Variants in SLC30A6 observed in about 807,000 individuals in gnomAD.
SLC30A6 encodes the protein solute carrier family 30 member 6, also known as zinc transporter 6.
A neutral mutation model predicts 63.0 loss-of-function variants in SLC30A6; 55 were observed. The observed-to-expected ratio is 0.87, with a 90% CI of 0.70 to 1.09. SLC30A6 has a LOEUF of 1.09. Ranked by LOEUF, SLC30A6 falls within the 50% of genes least tolerant of loss-of-function variation. SLC30A6 has a pLI of 0.00. For synonymous variants in SLC30A6, 224 were observed against 186.1 expected, an observed-to-expected ratio of 1.20 and a Z score of -1.66; for missense variants, 587 against 549.2, an observed-to-expected ratio of 1.07 and a Z score of -0.69.
chr2:32,207,636 A>G lies in SLC30A6; in HGVS notation c.816+703A>G, dbSNP rs536184345. On this transcript the variant is annotated intron_variant, in intron 12 of 13. Transcript: ENST00000282587. ...GTGATCCACCCGCCTCGGCCTCCCA[A>G]AGTGCTGGGATTACAGGCATGTCCA... 1.0e-3 allele frequency among the ~76,000 whole-genome samples: 151 copies of G among 150,380 alleles called. 1 individual carries two copies. Among genetic ancestry groups the G allele is most frequent in the Non-Finnish European group, 1.7e-3 (116 of 67,726 alleles).
At chr2:32,177,055 G>A (rs1681816012) in intron 4 of SLC30A6, among the ~76,000 whole-genome samples, 1 of 152,014 alleles carries the variant, frequency 6.6e-6, no homozygotes, top group South Asian at 2.1e-4. Flanking sequence ...TTACAGGTGT[G>A]AGCCACCACG....
Position 32,220,940 on chromosome 2 carries a change from G to A in SLC30A6, c.*227G>A. On this transcript the variant is annotated 3_prime_UTR_variant, in exon 14 of 14. Coordinates refer to ENST00000282587, the MANE Select transcript of SLC30A6 (RefSeq NM_017964.5). Reference sequence around the variant, plus strand: ...TAAATAGGCTTCCTTTAGAAAATGTGTTTCTTTAAATTTGGATTTTGGTAT... The same window carrying A: ...TAAATAGGCTTCCTTTAGAAAATGTATTTCTTTAAATTTGGATTTTGGTAT... The A allele has an allele frequency of 2.1e-6, 1 of 467,264 alleles. No individual in the cohort carries two copies. Among genetic ancestry groups the A allele is most frequent in the South Asian group, 2.9e-5 (1 of 34,144 alleles). 28.9% of individuals were successfully genotyped at this position (467,264 alleles called of 1,614,324 possible).
rs376168153 is a variant in SLC30A6 at position 32,173,025 on chromosome 2, G to A, written c.91-1038G>A. Among the ~76,000 whole-genome samples the A allele has an allele frequency of 1.5e-3, 222 of 152,308 alleles. 8 individuals carry two copies. The South Asian group carries it at 0.044, about 30-fold the overall frequency. On this transcript the variant is annotated intron_variant, in intron 2 of 13. Transcript: ENST00000282587. ...GCAATCCTTTCACTTGTTGCCTACT[G>A]AAAGATGATGTCCCTATAATTGTTC...
intron 1 of SLC30A6, among the ~76,000 whole-genome samples, chr2:32,169,207 G>A (rs1017360158): frequency 5.3e-5 from 8 of 151,844 alleles, no homozygotes; most frequent in South Asian, 2.1e-4. Context: ...ATGGGGTCTC[G>A]CTCTGTTGCC....
chr2:32,195,726 G>A lies in SLC30A6; in HGVS notation c.497-1618G>A, dbSNP rs533800117. 3.0e-3 allele frequency among the ~76,000 whole-genome samples: 452 copies of A among 151,044 alleles called. 3 individuals carry two copies. Among genetic ancestry groups the A allele is most frequent in the Non-Finnish European group, 4.4e-3 (299 of 67,778 alleles). On this transcript the variant is annotated intron_variant, in intron 8 of 13. Coordinates refer to ENST00000282587, the MANE Select transcript of SLC30A6 (RefSeq NM_017964.5). ...TTATTTATTTATTTATTTTTTAATA[G>A]AGACAAAGTCTACCTGTGTTACCCA...
intron 10 of SLC30A6, 77 bp from the exon 11 acceptor site, chr2:32,204,513 T>A: frequency 1.1e-6 from 1 of 903,556 alleles, no homozygotes; most frequent in Non-Finnish European, 1.7e-6. Context: ...CTTTAGATAA[T>A]TAATGTTCAG....
intron 10 of SLC30A6, chr2:32,203,735 C>G (rs1684496291): frequency 6.6e-7 from 1 of 1,523,724 alleles, no homozygotes; most frequent in Non-Finnish European, 9.1e-7. Context: ...AGGTTACAGG[C>G]AGAGTGGCAT....
chr2:32,196,272 G>A (rs933654276), intron 8 of SLC30A6, among the ~76,000 whole-genome samples: 13 of 151,956 alleles, frequency 8.6e-5, no homozygotes, highest in Admixed American at 8.5e-4. Context: ...CCGAGATCAC[G>A]TCATTGCACT....
intron 5 of SLC30A6, among the ~76,000 whole-genome samples, 160 bp downstream of exon 5, chr2:32,184,498 C>G (rs1053873977): frequency 1.3e-5 from 2 of 152,196 alleles, no homozygotes; most frequent in Admixed American, 1.3e-4. Flanking sequence ...GGCACAGTGG[C>G]TCACGCCTGT....
intron 8 of SLC30A6, among the ~76,000 whole-genome samples, chr2:32,196,890 G>A (rs1397725858): frequency 1.3e-5 from 2 of 152,026 alleles, no homozygotes; most frequent in African/African-American, 2.4e-5. Context: ...GTGAAACCCC[G>A]TCTCTACTAA....
At chr2:32,188,022 A>G (rs887006049) in intron 5 of SLC30A6, among the ~76,000 whole-genome samples, 3 of 152,160 alleles carry the variant, frequency 2.0e-5, no homozygotes, top group African/African-American at 7.2e-5. Context: ...AATACTTAGA[A>G]TAAAATCCTA....
intron 2 of SLC30A6, among the ~76,000 whole-genome samples, chr2:32,171,844 C>T (rs779840174): frequency 8.5e-5 from 13 of 152,130 alleles, no homozygotes; most frequent in Non-Finnish European, 1.6e-4. Context: ...AGGCATGGGC[C>T]ACCACGCCCG....
At chr2:32,170,233 A>AT (rs1473696642) in intron 1 of SLC30A6, among the ~76,000 whole-genome samples, 1 of 152,192 alleles carries the variant, frequency 6.6e-6, no homozygotes, top group South Asian at 2.1e-4. Flanking sequence ...TCTGTATTTT[A>AT]TTTTTAAAAA....
intron 4 of SLC30A6, among the ~76,000 whole-genome samples, chr2:32,180,902 G>C (rs765535460): frequency 1.3e-5 from 2 of 152,156 alleles, no homozygotes; most frequent in Non-Finnish European, 2.9e-5. Flanking sequence ...ATTTGAGGAA[G>C]TTTCTTTCTT....
intron 5 of SLC30A6, among the ~76,000 whole-genome samples, chr2:32,190,539 AC>A (rs1348856014): frequency 1.3e-5 from 2 of 151,952 alleles, no homozygotes; most frequent in African/African-American, 4.8e-5. Flanking sequence ...ATCTTGGCAT[AC>A]CCCCAGGTCA....
At chr2:32,211,024 C>T (rs1018763503) in intron 13 of SLC30A6, among the ~76,000 whole-genome samples, 1 of 152,158 alleles carries the variant, frequency 6.6e-6, no homozygotes, top group Non-Finnish European at 1.5e-5. Flanking sequence ...TAGAGATCTA[C>T]CCACCTCCCA....
rs754317659 is a variant in SLC30A6 at position 32,197,399 on chromosome 2, T to C, written c.545+7T>C. 25 of 1,611,986 alleles carry C rather than the reference T, an allele frequency of 1.6e-5. No individual in the cohort carries two copies. Among genetic ancestry groups the C allele is most frequent in the Non-Finnish European group, 2.1e-5 (25 of 1,178,240 alleles). ...TTGCAGATCTTAGTCGAAGGTAAGA[T>C]GTTATGGAGTTTCATGATATGCATA... On this transcript the variant is annotated splice_region_variant and intron_variant, in intron 9 of 13. Transcript: ENST00000282587.
chr2:32,203,105 A>G (rs193201644), intron 10 of SLC30A6: 5 of 1,309,270 alleles, frequency 3.8e-6, no homozygotes, highest in Non-Finnish European at 5.5e-6. Context: ...AAGACTTCAG[A>G]GAAGGTAGTT....
chr2:32,201,787 A>G, intron 10 of SLC30A6: 1 of 1,357,456 alleles, frequency 7.4e-7, no homozygotes, highest in Non-Finnish European at 1.0e-6. Context: ...AAAATACATT[A>G]CACAGTGCTG....
Sources: gnomAD v4.1 joint callset for allele counts (sites outside exome capture counted in the v4.1 genomes callset) on GRCh38, gnomAD v4.1.1 for gene constraint, MANE v1.5 for transcripts, NCBI Gene and HGNC (gene_info 2026-07-23, HGNC 2026-07-21) for gene names.